Variants in XYLT1 observed in about 807,000 individuals in gnomAD.
XYLT1 encodes the protein beta-D-xylosyltransferase 1.
In XYLT1, 36 loss-of-function variants were observed where a neutral mutation model predicts 91.3. The observed-to-expected ratio is 0.39, with a 90% CI of 0.30 to 0.52. XYLT1 has a LOEUF of 0.52. Ranked by LOEUF, XYLT1 falls within the 20% of genes least tolerant of loss-of-function variation. XYLT1 has a pLI of 0.68. For synonymous variants in XYLT1, 588 were observed against 532.0 expected (o/e 1.11, Z -1.45); for missense variants, 1,242 against 1,284.5 (o/e 0.97, Z 0.51).
intron 3 of XYLT1, among the ~76,000 whole-genome samples, chr16:17,205,457 T>G (rs528819711): frequency 6.6e-6 from 1 of 152,362 alleles, no homozygotes; most frequent in South Asian, 2.1e-4. Context: ...ACCTTGGACC[T>G]TTTATGCAAT....
In XYLT1 at chr16:17,134,456, T is replaced by A; in HGVS notation, c.2027+17A>T. 1 of 1,613,176 alleles carries A rather than the reference T, an allele frequency of 6.2e-7. No homozygotes were observed. Among genetic ancestry groups the A allele is most frequent in the South Asian group, 1.1e-5 (1 of 91,058 alleles). ...CTGCTTCTCAGCTCTCCTCTCTGCA[T>A]CCCATATAGGGCTCACCGGCAGCTG... On this transcript the variant is annotated intron_variant, in intron 9 of 11. Transcript: ENST00000261381.
At chr16:17,138,316 C>CATCACTTAGGA in intron 8 of XYLT1, 39 bp downstream of exon 8, 1 of 1,586,462 alleles carries the variant, frequency 6.3e-7, no homozygotes, top group Non-Finnish European at 8.6e-7. Context: ...GTTGGGAAGG[C>CATCACTTAGGA]ATCACTTAGG....
chr16:17,341,340 T>C (rs1358318850), intron 2 of XYLT1, among the ~76,000 whole-genome samples: 1 of 152,206 alleles, frequency 6.6e-6, no homozygotes, highest in Non-Finnish European at 1.5e-5. Context: ...CTGTGACAGG[T>C]GCTGAAAACA....
At chr16:17,373,586 A>T (rs1028239502) in intron 1 of XYLT1, among the ~76,000 whole-genome samples, 9 of 152,260 alleles carry the variant, frequency 5.9e-5, no homozygotes, top group African/African-American at 1.9e-4. Flanking sequence ...TGTAGAACTC[A>T]TAATAATGGT....
chr16:17,296,908 A>G (rs181626908), intron 2 of XYLT1, among the ~76,000 whole-genome samples: 62 of 152,344 alleles, frequency 4.1e-4, no homozygotes, highest in South Asian at 6.2e-4. Flanking sequence ...TTGAGTCTCA[A>G]TTTCCTTATC....
intron 6 of XYLT1, among the ~76,000 whole-genome samples, chr16:17,141,759 C>A (rs2030982669): frequency 6.6e-6 from 1 of 152,140 alleles, no homozygotes; most frequent in Non-Finnish European, 1.5e-5. Flanking sequence ...ACCATGGACC[C>A]TTGTCTCAGA....
At chr16:17,366,314 G>A (rs748648817) in intron 1 of XYLT1, among the ~76,000 whole-genome samples, 6 of 152,198 alleles carry the variant, frequency 3.9e-5, no homozygotes, top group Admixed American at 3.3e-4. Flanking sequence ...CACATAGCTA[G>A]TCAATATTGA....
intron 1 of XYLT1, among the ~76,000 whole-genome samples, chr16:17,382,512 C>A (rs372172460): frequency 6.6e-5 from 10 of 151,914 alleles, no homozygotes; most frequent in East Asian, 4.0e-4. Flanking sequence ...GTGGATTGCA[C>A]AGTGTCACTG....
At chr16:17,402,223 G>A (rs1359612963) in intron 1 of XYLT1, among the ~76,000 whole-genome samples, 2 of 151,986 alleles carry the variant, frequency 1.3e-5, no homozygotes, top group Non-Finnish European at 2.9e-5. Flanking sequence ...AGGAGACTGA[G>A]GCACAAGGGT....
At chr16:17,261,508 C>G (rs1365060025) in intron 2 of XYLT1, among the ~76,000 whole-genome samples, 1 of 152,126 alleles carries the variant, frequency 6.6e-6, no homozygotes, top group African/African-American at 2.4e-5. Context: ...TCTGGGCTAC[C>G]AGGGACATGA....
At chr16:17,339,555 G>A (rs1403377427) in intron 2 of XYLT1, among the ~76,000 whole-genome samples, 3 of 152,172 alleles carry the variant, frequency 2.0e-5, no homozygotes, top group Non-Finnish European at 4.4e-5. Context: ...TTTGACGGCT[G>A]TACTTCAATA....
chr16:17,317,420 C>T (rs2034652371), intron 2 of XYLT1, among the ~76,000 whole-genome samples: 1 of 151,566 alleles, frequency 6.6e-6, no homozygotes, highest in Non-Finnish European at 1.5e-5. Context: ...GTGGTTTGAG[C>T]CCAGGAGTTC....
chr16:17,248,185 A>G (rs1034632420), intron 3 of XYLT1, among the ~76,000 whole-genome samples: 20 of 152,170 alleles, frequency 1.3e-4, no homozygotes, highest in African/African-American at 4.8e-4. Flanking sequence ...AGATGGTTTT[A>G]TAAAGAGGAA....
chr16:17,346,901 G>A (rs1223649067), intron 2 of XYLT1, among the ~76,000 whole-genome samples: 1 of 152,148 alleles, frequency 6.6e-6, no homozygotes, highest in Non-Finnish European at 1.5e-5. Context: ...GTTCTCTTTT[G>A]TTCAGTGGAA....
At chr16:17,298,632 C>A (rs1347574445) in intron 2 of XYLT1, among the ~76,000 whole-genome samples, 2 of 152,158 alleles carry the variant, frequency 1.3e-5, no homozygotes, top group South Asian at 2.1e-4. Context: ...TCAGCTCTCC[C>A]CTCTCTGGCC....
intron 10 of XYLT1, among the ~76,000 whole-genome samples, chr16:17,118,274 G>GAATGAATGAACA (rs2029922434): frequency 1.2e-5 from 1 of 83,110 alleles, no homozygotes. Flanking sequence ...CTGAATGAGT[G>GAATGAATGAACA]AATGAATGAA....
chr16:17,433,265 AC>A (rs1365753032), intron 1 of XYLT1, among the ~76,000 whole-genome samples: 1 of 152,230 alleles, frequency 6.6e-6, no homozygotes, highest in African/African-American at 2.4e-5. Context: ...TTTTGAGGTC[AC>A]ACTCTGATGG....
intron 1 of XYLT1, among the ~76,000 whole-genome samples, chr16:17,427,397 A>G (rs1248909607): frequency 1.3e-5 from 2 of 152,216 alleles, no homozygotes; most frequent in Admixed American, 6.5e-5. Context: ...GGCTTAAGCA[A>G]TCTTCCCACC....
intron 2 of XYLT1, among the ~76,000 whole-genome samples, chr16:17,323,947 A>G (rs928191479): frequency 3.3e-5 from 5 of 152,208 alleles, no homozygotes; most frequent in African/African-American, 9.6e-5. Context: ...CCAACTTCAG[A>G]TCTAAAATGC....
Sources: allele counts gnomAD v4.1 joint callset (sites outside exome capture counted in the v4.1 genomes callset), GRCh38; gene constraint gnomAD v4.1.1; transcripts MANE v1.5; gene names NCBI Gene and HGNC (gene_info 2026-07-23, HGNC 2026-07-21).